CCNL1: variants seen among roughly 807,000 people sequenced by gnomAD.
The protein encoded by CCNL1 is cyclin L1, also known as cyclin-L1.
In CCNL1, 13 loss-of-function variants were observed where a neutral mutation model predicts 60.6. The ratio of observed to expected loss-of-function variants is 0.21; its 90% CI spans 0.14 to 0.34. The LOEUF (loss-of-function observed/expected upper bound fraction) is 0.34. Among genes scored for constraint, CCNL1 ranks in the 10% least tolerant of loss-of-function variants. The pLI is 1.00. For synonymous variants in CCNL1, 270 were observed against 244.3 expected, an observed-to-expected ratio of 1.10 and a Z score of -0.98; for missense variants, 481 against 664.3, an observed-to-expected ratio of 0.72 and a Z score of 3.03.
At chr3:157,159,055 CAACCTTTAGTAA>C (rs1446620375) in intron 2 of CCNL1, 80 bp from the exon 3 acceptor site, 1 of 921,496 alleles carries the variant, frequency 1.1e-6, no homozygotes, top group African/African-American at 1.7e-5. Context: ...ACAATTGGGA[CAACCTTTAGTAA>C]AATTAGAGAA....
intron 5 of CCNL1, chr3:157,151,176 A>C: frequency 1.0e-6 from 1 of 984,908 alleles, no homozygotes. Context: ...CATGCATTTT[A>C]TAAAAATAAT....
At chr3:157,145,437 C>CAAAAA (rs56894231), downstream of CCNL1, among the ~76,000 whole-genome samples, 15 of 24,270 alleles carry the variant, frequency 6.2e-4, 1 homozygote, top group Admixed American at 7.9e-3. Context: ...GACTTCATCT[C>CAAAAA]AAAAAAAAAA....
At chr3:157,159,762 G>A (rs1408836872) in intron 1 of CCNL1, 30 bp downstream of exon 1, 2 of 1,497,546 alleles carry the variant, frequency 1.3e-6, no homozygotes, top group Admixed American at 2.1e-5. Flanking sequence ...GGAGAGGAGC[G>A]CCCGGCCGGC....
chr3:157,144,944 T>C (rs1365045613), downstream of CCNL1, among the ~76,000 whole-genome samples: 2 of 152,212 alleles, frequency 1.3e-5, no homozygotes, highest in Non-Finnish European at 2.9e-5. Context: ...ACTGTGGTGT[T>C]AATAATGGGG....
chr3:157,159,616 C>T, intron 1 of CCNL1, 137 bp from the exon 2 acceptor site: 1 of 977,734 alleles, frequency 1.0e-6, no homozygotes, highest in Non-Finnish European at 1.5e-6. Flanking sequence ...CTGCCAAGTC[C>T]TCCCTCCGCC....
chr3:157,153,467 C>T (rs1738353009), intron 3 of CCNL1: 1 of 199,114 alleles, frequency 5.0e-6, no homozygotes, highest in African/African-American at 2.4e-5. Context: ...ATGTATTTAA[C>T]TTTAACGATA....
chr3:157,152,580 T>A, intron 4 of CCNL1: 1 of 1,079,668 alleles, frequency 9.3e-7, no homozygotes, highest in Non-Finnish European at 1.1e-6. Flanking sequence ...CCCGGGTAAC[T>A]CACTCTATGG....
At chr3:157,151,089 TA>T in intron 5 of CCNL1, 2 of 984,846 alleles carry the variant, frequency 2.0e-6, no homozygotes, top group Non-Finnish European at 2.4e-6. Flanking sequence ...AAGCTGAAAT[TA>T]AATGGACTAT....
chr3:157,151,666 A>C, intron 5 of CCNL1: 8 of 990,194 alleles, frequency 8.1e-6, no homozygotes, highest in Non-Finnish European at 9.6e-6. Context: ...TCTATCAAAA[A>C]TGAACTATTC....
At chr3:157,150,210 T>G (rs1271324122) in intron 6 of CCNL1, 41 bp from the exon 7 acceptor site, 1 of 1,608,368 alleles carries the variant, frequency 6.2e-7, no homozygotes, top group Non-Finnish European at 8.5e-7. Flanking sequence ...AAATTTTTGC[T>G]AAATCTGTAT....
At position 157,147,780 on chromosome 3, in the gene CCNL1, A is replaced by T; in HGVS notation, c.*461T>A. The T allele has an allele frequency of 1.0e-6, 1 of 978,464 alleles. No individual in the cohort carries two copies. Among genetic ancestry groups the T allele is most frequent in the Non-Finnish European group, 1.2e-6 (1 of 823,310 alleles). The allele number at this position is 978,464 out of a possible 1,614,324, so 60.6% of individuals were successfully genotyped here. On this transcript the variant is annotated 3_prime_UTR_variant, in exon 11 of 11. Coordinates refer to ENST00000295926, the MANE Select transcript of CCNL1 (RefSeq NM_020307.4). ...TTCCTTTTTAATAATTTATTTAAAT[A>T]AGGTATTTGAAGCAGTTTAGAAAAA...
chr3:157,156,392 AC>A (rs1418710906), intron 3 of CCNL1, among the ~76,000 whole-genome samples: 1 of 152,232 alleles, frequency 6.6e-6, no homozygotes, highest in Non-Finnish European at 1.5e-5. Context: ...CACTGAAAAT[AC>A]ATTGTATTTA....
chr3:157,155,706 G>T (rs1406443159), intron 3 of CCNL1, among the ~76,000 whole-genome samples: 1 of 152,036 alleles, frequency 6.6e-6, no homozygotes, highest in Non-Finnish European at 1.5e-5. Context: ...AGTAAACAAA[G>T]TCTCAAAGTA....
chr3:157,148,551 G>C lies in CCNL1; in HGVS notation c.1271C>G (p.Ser424Trp). ...ACTGCGGGACCTGCTTCTTGATCTC[G>C]AGCTGTATGTTCCAGATCGACTCCG... ...NRRSRSGTYS[S>W]RSRSRSRSHS... Residue 424 changes from serine to tryptophan, a missense_variant, in exon 11 of 11, where the codon TCG becomes TGG. Transcript: ENST00000295926. 6.2e-7 allele frequency: 1 copy of C among 1,613,856 alleles called. No individual in the cohort carries two copies.
At chr3:157,156,395 T>C (rs902735246) in intron 3 of CCNL1, among the ~76,000 whole-genome samples, 4 of 152,224 alleles carry the variant, frequency 2.6e-5, no homozygotes, top group Non-Finnish European at 5.9e-5. Context: ...TGAAAATACA[T>C]TGTATTTACT....
downstream of CCNL1, among the ~76,000 whole-genome samples, chr3:157,143,913 A>T (rs1461186797): frequency 2.6e-5 from 4 of 152,168 alleles, no homozygotes; most frequent in African/African-American, 9.7e-5. Context: ...GAGGCTTTAT[A>T]TATTAGAGCA....
chr3:157,152,990 A>G (rs760154315), intron 4 of CCNL1, 46 bp downstream of exon 4: 20 of 1,585,832 alleles, frequency 1.3e-5, no homozygotes, highest in Admixed American at 5.9e-5. Flanking sequence ...AATTTTTAGA[A>G]AAGTCCTAAT....
At chr3:157,159,749 AGAG>A (rs1480877597) in intron 1 of CCNL1, 40 bp downstream of exon 1, 2 of 1,448,356 alleles carry the variant, frequency 1.4e-6, no homozygotes, top group Admixed American at 4.5e-5. Flanking sequence ...GGGACGGAGG[AGAG>A]GAGAGGAGCG....
Position 157,149,987 on chromosome 3 carries a change from G to GCA in CCNL1, c.880-11_880-10insTG. On this transcript the variant is annotated splice_polypyrimidine_tract_variant and intron_variant, in intron 7 of 10. Coordinates refer to ENST00000295926, the MANE Select transcript of CCNL1 (RefSeq NM_020307.4). The stretch of plus-strand genomic sequence containing the variant: ...GTAATTCATAGTTTGGCTGTTGGAG[G>GCA]AAAAAAAAGTTAGTATTTCTTCCTT... The GCA allele has an allele frequency of 6.2e-7, 1 of 1,600,888 alleles. No individual in the cohort carries two copies. The highest frequency in any genetic ancestry group is 1.1e-5 in the South Asian group (1 of 89,568).
Sources: gnomAD v4.1 joint callset for allele counts (sites outside exome capture counted in the v4.1 genomes callset) on GRCh38, gnomAD v4.1.1 for gene constraint, MANE v1.5 for transcripts, NCBI Gene and HGNC (gene_info 2026-07-23, HGNC 2026-07-21) for gene names.